FXR1: variants seen among roughly 807,000 people sequenced by gnomAD.
FXR1 encodes the protein FMR1 autosomal homolog 1, also known as RNA-binding protein FXR1.
Under a neutral mutation model 84.0 loss-of-function variants are expected in FXR1, and 15 were observed. The observed-to-expected ratio is 0.18, with a 90% CI of 0.12 to 0.27. The LOEUF is 0.27. Ranked by LOEUF, FXR1 falls within the 10% of genes least tolerant of loss-of-function variation. The pLI is 1.00. For synonymous variants in FXR1, 245 were observed against 250.7 expected (o/e 0.98, Z 0.21); for missense variants, 480 against 774.4 (o/e 0.62, Z 4.51).
intron 1 of FXR1, among the ~76,000 whole-genome samples, chr3:180,931,009 A>G (rs1044816451): frequency 9.6e-5 from 12 of 125,394 alleles, no homozygotes; most frequent in Non-Finnish European, 1.7e-4. Context: ...AGCCTGGGCA[A>G]CAGAGCGAGA....
At chr3:180,964,616 T>G (rs1401183168) in intron 13 of FXR1, among the ~76,000 whole-genome samples, 1 of 150,362 alleles carries the variant, frequency 6.7e-6, no homozygotes, top group African/African-American at 2.5e-5. Flanking sequence ...GAAAAACCAT[T>G]TGAATTTGGT....
intron 15 of FXR1, among the ~76,000 whole-genome samples, chr3:180,974,513 G>A (rs576478940): frequency 1.3e-5 from 2 of 152,300 alleles, no homozygotes; most frequent in African/African-American, 2.4e-5. Flanking sequence ...TAGAACATAG[G>A]TCATTTGTTG....
At position 180,932,623 on chromosome 3, in the gene FXR1, C is replaced by T. The variant is rs144257835; in HGVS notation, c.52-711C>T. On this transcript the variant is annotated intron_variant, in intron 1 of 16. Transcript: ENST00000357559. ...AGTAATTTTAAGGCTGAAAAATGAC[C>T]GCCAATTGTTATTGAGAATCTGTAT... Among the ~76,000 whole-genome samples the T allele has an allele frequency of 5.9e-3, 905 of 152,134 alleles. 5 individuals carry two copies. Among genetic ancestry groups the T allele is most frequent in the Non-Finnish European group, 0.011 (723 of 68,000 alleles).
At chr3:180,959,072 C>T (rs1378533685) in intron 10 of FXR1, among the ~76,000 whole-genome samples, 4 of 152,062 alleles carry the variant, frequency 2.6e-5, no homozygotes, top group Non-Finnish European at 5.9e-5. Flanking sequence ...TCCCAAAGTG[C>T]TGGGATTACG....
At chr3:180,917,868 A>G (rs1233851637) in intron 1 of FXR1, among the ~76,000 whole-genome samples, 1 of 147,376 alleles carries the variant, frequency 6.8e-6, no homozygotes, top group African/African-American at 2.5e-5. Flanking sequence ...AATCGCTTGA[A>G]CCGGGGAGGC....
At chr3:180,955,254 C>T (rs1360939471) in intron 9 of FXR1, among the ~76,000 whole-genome samples, 1 of 152,062 alleles carries the variant, frequency 6.6e-6, no homozygotes, top group Admixed American at 6.5e-5. Flanking sequence ...CCACCTCGGC[C>T]TCCCAAAGTG....
intron 1 of FXR1, among the ~76,000 whole-genome samples, chr3:180,914,040 AG>A (rs1717579470): frequency 6.6e-6 from 1 of 152,308 alleles, no homozygotes; most frequent in African/African-American, 2.4e-5. Flanking sequence ...GGGGAATCAC[AG>A]CGTATAAAGG....
chr3:180,927,883 T>C, intron 1 of FXR1: 1 of 375,986 alleles, frequency 2.7e-6, no homozygotes. Flanking sequence ...CCTAAGAATA[T>C]TTGAATTGGG....
chr3:180,974,160 C>CTT lies in FXR1; in HGVS notation c.1604-1139_1604-1138dup, dbSNP rs200685504. 5.4e-3 allele frequency among the ~76,000 whole-genome samples: 768 copies of CTT among 143,206 alleles called. 7 individuals are homozygous for CTT. Among genetic ancestry groups the CTT allele is most frequent in the East Asian group, 0.02 (98 of 4,920 alleles). 93.9% of individuals were successfully genotyped at this position (143,206 alleles called of 152,430 possible). A position where few individuals can be genotyped will look rare whatever the true frequency, so the allele number is the denominator to read the frequency against. Reference sequence around the variant, plus strand: ...AATCAGTGAATTCTAAGTTTCAATTCTTTTTTTTTTTTTTTGAAACAGAGT... The same window carrying CTT: ...AATCAGTGAATTCTAAGTTTCAATTCTTTTTTTTTTTTTTTTTGAAACAGAGT... On this transcript the variant is annotated intron_variant, in intron 15 of 16. Transcript: ENST00000357559.
intron 1 of FXR1, among the ~76,000 whole-genome samples, chr3:180,918,844 C>T (rs1451033801): frequency 3.3e-5 from 5 of 152,162 alleles, no homozygotes; most frequent in Admixed American, 2.6e-4. Context: ...ACTCGAATTT[C>T]CCATTTAATC....
chr3:180,915,459 A>G (rs1199180025), intron 1 of FXR1: 3 of 1,347,208 alleles, frequency 2.2e-6, no homozygotes, highest in East Asian at 5.0e-5. Flanking sequence ...TCCGGCTTCC[A>G]TTTAGCGTAG....
At chr3:180,919,927 AAG>A (rs1718374795) in intron 1 of FXR1, among the ~76,000 whole-genome samples, 1 of 152,018 alleles carries the variant, frequency 6.6e-6, no homozygotes, top group African/African-American at 2.4e-5. Context: ...CAGCCTCCCA[AAG>A]TGCTGGGATT....
intron 1 of FXR1, chr3:180,927,666 T>TAA (rs745333576): frequency 5.7e-6 from 3 of 522,004 alleles, no homozygotes; most frequent in Non-Finnish European, 1.0e-5. Context: ...AGCACCCGTC[T>TAA]AAAAAAAAAT....
At chr3:180,963,266 TGACA>T (rs1712374421) in intron 13 of FXR1, among the ~76,000 whole-genome samples, 176 bp downstream of exon 13, 2 of 152,106 alleles carry the variant, frequency 1.3e-5, no homozygotes, top group African/African-American at 4.8e-5. Flanking sequence ...TACATTAAAA[TGACA>T]GTAAAATATA....
intron 1 of FXR1, among the ~76,000 whole-genome samples, chr3:180,916,500 C>G (rs563685295): frequency 3.3e-5 from 5 of 152,308 alleles, no homozygotes; most frequent in Non-Finnish European, 5.9e-5. Context: ...CTCCACCTCC[C>G]AGGTTCAAGT....
intron 1 of FXR1, among the ~76,000 whole-genome samples, chr3:180,916,992 G>T (rs1028061839): frequency 6.6e-6 from 1 of 151,978 alleles, no homozygotes; most frequent in African/African-American, 2.4e-5. Context: ...GCACCACCAC[G>T]CCCAGCTAAT....
At chr3:180,975,527 T>TA (rs1009504774) in intron 16 of FXR1, 123 bp downstream of exon 16, 5 of 478,088 alleles carry the variant, frequency 1.0e-5, no homozygotes, top group African/African-American at 1.0e-4. Context: ...CTATTTTAGT[T>TA]AAAGACTCTT....
chr3:180,922,235 G>T (rs1460634807), intron 1 of FXR1, among the ~76,000 whole-genome samples: 1 of 152,102 alleles, frequency 6.6e-6, no homozygotes, highest in African/African-American at 2.4e-5. Flanking sequence ...AATAAATGTT[G>T]AAAGATTGCT....
chr3:180,947,953 C>T lies in FXR1; in HGVS notation c.270+17C>T. The T allele has an allele frequency of 6.7e-7, 1 of 1,494,352 alleles. No individual in the cohort carries two copies. The highest frequency in any genetic ancestry group is 1.2e-5 in the South Asian group (1 of 85,248). 92.6% of individuals were successfully genotyped at this position (1,494,352 alleles called of 1,614,324 possible). On this transcript the variant is annotated intron_variant, in intron 4 of 16. Transcript: ENST00000357559. The stretch of plus-strand genomic sequence containing the variant: ...AAAGGAGAAGTAAGTACTCTTCACA[C>T]TTGCTTTGTGACTAGTTTCTAAGGA...
Sources: gnomAD v4.1 joint callset for allele counts (sites outside exome capture counted in the v4.1 genomes callset) on GRCh38, gnomAD v4.1.1 for gene constraint, MANE v1.5 for transcripts, NCBI Gene and HGNC (gene_info 2026-07-23, HGNC 2026-07-21) for gene names.